CHKA: variants seen among roughly 807,000 people sequenced by gnomAD.
CHKA encodes the protein choline kinase alpha.
Under a neutral mutation model 60.1 loss-of-function variants are expected in CHKA, and 34 were observed. That is an observed-to-expected ratio of 0.57 (90% CI 0.43 to 0.75). The LOEUF (loss-of-function observed/expected upper bound fraction) is 0.75. Ranked by LOEUF, CHKA falls within the 30% of genes least tolerant of loss-of-function variation. The pLI, the probability that CHKA is intolerant of heterozygous loss-of-function variation, is 0.00. For synonymous variants in CHKA, 217 were observed against 223.1 expected (o/e 0.97, Z 0.24); for missense variants, 563 against 561.3 (o/e 1.00, Z -0.03).
chr11:68,062,594 C>G (rs530882454), intron 10 of CHKA, among the ~76,000 whole-genome samples: 1 of 152,234 alleles, frequency 6.6e-6, no homozygotes, highest in African/African-American at 2.4e-5. Flanking sequence ...CCCCAAGTCA[C>G]TGTGAATCCA....
chr11:68,098,714 G>A (rs1240944052), intron 1 of CHKA, among the ~76,000 whole-genome samples: 2 of 151,692 alleles, frequency 1.3e-5, no homozygotes, highest in African/African-American at 4.8e-5. Flanking sequence ...ATTTTTTTCA[G>A]AGAGGGTTTT....
intron 2 of CHKA, among the ~76,000 whole-genome samples, chr11:68,088,183 G>A (rs868402510): frequency 6.7e-6 from 1 of 148,582 alleles, no homozygotes; most frequent in Non-Finnish European, 1.5e-5. Context: ...TCTAGGATAT[G>A]TAAATTTTGG....
At chr11:68,100,904 T>TACTAA (rs1857688866) in intron 1 of CHKA, among the ~76,000 whole-genome samples, 1 of 144,698 alleles carries the variant, frequency 6.9e-6, no homozygotes, top group Non-Finnish European at 1.5e-5. Flanking sequence ...TAAAACAGAA[T>TACTAA]ACTAAGGGAA....
intron 1 of CHKA, among the ~76,000 whole-genome samples, chr11:68,120,397 C>T (rs966384214): frequency 6.6e-6 from 1 of 152,148 alleles, no homozygotes; most frequent in African/African-American, 2.4e-5. Context: ...CATCAAATCG[C>T]GAACTCGAAA....
At chr11:68,087,617 T>C (rs1167733499) in intron 2 of CHKA, among the ~76,000 whole-genome samples, 1 of 152,182 alleles carries the variant, frequency 6.6e-6, no homozygotes, top group East Asian at 1.9e-4. Flanking sequence ...CCATCCATTT[T>C]TTAATAGAAA....
intron 1 of CHKA, among the ~76,000 whole-genome samples, chr11:68,104,842 C>T (rs535545802): frequency 2.6e-5 from 4 of 152,222 alleles, no homozygotes; most frequent in African/African-American, 9.6e-5. Flanking sequence ...CAGTGGCTCA[C>T]GCCTGGAATC....
chr11:68,100,584 T>C (rs1030222446), intron 1 of CHKA, among the ~76,000 whole-genome samples: 2 of 140,258 alleles, frequency 1.4e-5, no homozygotes, highest in Non-Finnish European at 3.1e-5. Context: ...GAACGAAACA[T>C]CATCTCCAAT....
At chr11:68,105,015 A>G (rs1435055794) in intron 1 of CHKA, among the ~76,000 whole-genome samples, 2 of 151,810 alleles carry the variant, frequency 1.3e-5, no homozygotes, top group African/African-American at 2.4e-5. Flanking sequence ...GAGGCAGGAG[A>G]ATCGCTTGAA....
chr11:68,069,025 C>T, intron 6 of CHKA, 88 bp from the exon 7 acceptor site: 5 of 972,522 alleles, frequency 5.1e-6, no homozygotes, highest in Non-Finnish European at 8.0e-6. Flanking sequence ...GCACCAAATT[C>T]GTGCTCCAAA....
intron 3 of CHKA, among the ~76,000 whole-genome samples, chr11:68,080,939 C>G (rs980938619): frequency 3.3e-5 from 5 of 152,212 alleles, no homozygotes; most frequent in African/African-American, 4.8e-5. Flanking sequence ...AGAAGCTTTT[C>G]CAACTTGGGT....
intron 1 of CHKA, among the ~76,000 whole-genome samples, chr11:68,114,879 G>A (rs975899548): frequency 6.6e-6 from 1 of 152,140 alleles, no homozygotes; most frequent in African/African-American, 2.4e-5. Context: ...CTGGGCTTAG[G>A]AGGGAAAGAG....
At chr11:68,106,798 A>G (rs777074507) in intron 1 of CHKA, among the ~76,000 whole-genome samples, 7 of 152,190 alleles carry the variant, frequency 4.6e-5, no homozygotes, top group Non-Finnish European at 8.8e-5. Flanking sequence ...CAGTCTTAAG[A>G]ATTCTACTCC....
intron 4 of CHKA, among the ~76,000 whole-genome samples, chr11:68,071,323 C>T (rs542271517): frequency 1.3e-5 from 2 of 152,322 alleles, no homozygotes; most frequent in South Asian, 2.1e-4. Context: ...CCAGGAGATG[C>T]GTCACAGAGA....
intron 1 of CHKA, among the ~76,000 whole-genome samples, chr11:68,109,112 CAG>C: frequency 8.5e-6 from 1 of 117,148 alleles, no homozygotes; most frequent in South Asian, 2.9e-4. Context: ...TTTTTTGAGA[CAG>C]AGTCTCGCTC....
intron 4 of CHKA, 128 bp downstream of exon 4, chr11:68,074,589 T>TA: frequency 1.3e-6 from 1 of 764,962 alleles, no homozygotes; most frequent in Non-Finnish European, 2.3e-6. Context: ...TGATTTCTGA[T>TA]ACAGTTTAAT....
At chr11:68,093,291 T>C (rs901673075) in intron 2 of CHKA, among the ~76,000 whole-genome samples, 7 of 152,180 alleles carry the variant, frequency 4.6e-5, no homozygotes, top group African/African-American at 1.7e-4. Flanking sequence ...TGAGCCACCA[T>C]GACCAGCCCT....
At chr11:68,119,068 C>T (rs1021677035) in intron 1 of CHKA, among the ~76,000 whole-genome samples, 3 of 152,190 alleles carry the variant, frequency 2.0e-5, no homozygotes, top group African/African-American at 7.2e-5. Flanking sequence ...AGTACATGGC[C>T]TAAAATGATC....
At chr11:68,095,057 ACTACT>A (rs986679407) in intron 2 of CHKA, among the ~76,000 whole-genome samples, 12 of 152,120 alleles carry the variant, frequency 7.9e-5, no homozygotes, top group African/African-American at 2.9e-4. Flanking sequence ...TAGTTTGAAA[ACTACT>A]CTGCTCTATT....
intron 2 of CHKA, among the ~76,000 whole-genome samples, chr11:68,083,969 C>A (rs2512613): frequency 6.6e-6 from 1 of 151,388 alleles, no homozygotes; most frequent in African/African-American, 2.4e-5. Flanking sequence ...TTGGGGCCGG[C>A]GGGGGTGGCC....
Sources: gnomAD v4.1 joint callset for allele counts (sites outside exome capture counted in the v4.1 genomes callset) on GRCh38, gnomAD v4.1.1 for gene constraint, MANE v1.5 for transcripts, NCBI Gene and HGNC (gene_info 2026-07-23, HGNC 2026-07-21) for gene names.